Variants in ARHGEF12 observed in about 807,000 individuals in gnomAD.
The protein encoded by ARHGEF12 is Rho guanine nucleotide exchange factor 12.
ARHGEF12 carries 66 observed loss-of-function variants against 211.2 expected under a neutral mutation model. That is an observed-to-expected ratio of 0.31 (90% CI 0.26 to 0.38). The LOEUF (loss-of-function observed/expected upper bound fraction) is 0.38. ARHGEF12 is among the 10% of genes least tolerant of loss of function. The pLI is 1.00. For missense variants in ARHGEF12, 1,429 were observed against 1,869.5 expected (o/e 0.76, Z 4.34); for synonymous variants, 592 against 638.4 (o/e 0.93, Z 1.09).
chr11:120,481,565 G>T lies in ARHGEF12; in HGVS notation c.4543G>T (p.Glu1515Ter). The T allele has an allele frequency of 6.2e-7, 1 of 1,613,842 alleles. No individual in the cohort carries two copies. Among genetic ancestry groups the T allele is most frequent in the South Asian group, 1.1e-5 (1 of 91,036 alleles). ...EYIHKIEADL[E>*]HLKKVEESYT... ...CATTCATAAGATAGAGGCTGACCTT[G>T]AACACTTAAAGGTACCTCATACTTC... The change falls in exon 39 of 41, where the codon GAA (glutamate) becomes TAA (stop). Residue 1515 changes from glutamate (E) to a stop codon, truncating the protein, a stop_gained. Transcript: ENST00000397843. LOFTEE classifies it high-confidence loss of function.
chr11:120,383,112 C>T lies in ARHGEF12; in HGVS notation c.33-23006C>T, dbSNP rs950672038. ...GGAGATCGCACCACTGCACTCCAGC[C>T]TGGGCGACAGAGCCAGACTCCGTCT... On this transcript the variant is annotated intron_variant, in intron 1 of 40. Transcript: ENST00000397843. Among the ~76,000 whole-genome samples the T allele has an allele frequency of 1.5e-4, 23 of 152,130 alleles. No individual in the cohort carries two copies. In the South Asian group the frequency reaches 2.9e-3, roughly 19 times the overall value.
chr11:120,455,979 A>G (rs535737771), intron 22 of ARHGEF12, among the ~76,000 whole-genome samples: 45 of 152,344 alleles, frequency 3.0e-4, no homozygotes, highest in African/African-American at 1.1e-3. Context: ...TAAATGTTCT[A>G]TTTGAAGTGG....
chr11:120,398,697 A>G (rs1056647535), intron 1 of ARHGEF12, among the ~76,000 whole-genome samples: 1 of 152,198 alleles, frequency 6.6e-6, no homozygotes, highest in Non-Finnish European at 1.5e-5. Flanking sequence ...CAAAAATTTA[A>G]TTACAGCATT....
chr11:120,354,265 A>C (rs1320590264), intron 1 of ARHGEF12, among the ~76,000 whole-genome samples: 1 of 152,088 alleles, frequency 6.6e-6, no homozygotes, highest in Admixed American at 6.5e-5. Flanking sequence ...GCTCAGTCCT[A>C]CCCCAGAGTG....
Position 120,472,840 on chromosome 11 carries a change from A to G in ARHGEF12, c.2956-210A>G, listed in dbSNP as rs1946909550. On this transcript the variant is annotated intron_variant, in intron 30 of 40. Coordinates refer to ENST00000397843, the MANE Select transcript of ARHGEF12 (RefSeq NM_015313.3). ...CGGCTAATTTTTTTTTATTTTTAGTAGAGACGGGGTTTCACTGTGTTAGCC... is the reference window on the plus strand; with the variant it reads ...CGGCTAATTTTTTTTTATTTTTAGTGGAGACGGGGTTTCACTGTGTTAGCC... 2.6e-5 allele frequency among the ~76,000 whole-genome samples: 4 copies of G among 151,878 alleles called. No individual in the cohort carries two copies. In the South Asian group the frequency reaches 8.3e-4, roughly 32 times the overall value.
At chr11:120,364,968 G>T (rs777627560) in intron 1 of ARHGEF12, among the ~76,000 whole-genome samples, 3 of 151,918 alleles carry the variant, frequency 2.0e-5, no homozygotes, top group African/African-American at 7.3e-5. Context: ...TTAATTTTGT[G>T]TAGAGACAAG....
Position 120,485,188 on chromosome 11 carries a change from CTGTG to C in ARHGEF12, c.*112_*115del. 1.4e-6 allele frequency: 2 copies of C among 1,396,774 alleles called. No individual in the cohort carries two copies. The highest frequency in any genetic ancestry group is 1.0e-6 in the Non-Finnish European group (1 of 994,058). 86.5% of individuals were successfully genotyped at this position (1,396,774 alleles called of 1,614,324 possible). On this transcript the variant is annotated 3_prime_UTR_variant, in exon 41 of 41. Coordinates refer to ENST00000397843, the MANE Select transcript of ARHGEF12 (RefSeq NM_015313.3). ...AGAGAGAGTGTGACAGAGGATCTGC[CTGTG>C]AACCACCTGGGATTAGTCAAGTCCC...
intron 1 of ARHGEF12, among the ~76,000 whole-genome samples, chr11:120,377,719 T>C (rs1943767968): frequency 6.6e-6 from 1 of 152,192 alleles, no homozygotes; most frequent in Admixed American, 6.5e-5. Context: ...TTTCTTACCA[T>C]AATAGTATTA....
intron 1 of ARHGEF12, among the ~76,000 whole-genome samples, chr11:120,377,957 G>A (rs1030662916): frequency 6.6e-6 from 1 of 151,518 alleles, no homozygotes; most frequent in South Asian, 2.1e-4. Context: ...TTAGAGATGG[G>A]GTCTCACTAT....
At chr11:120,445,126 GAAGCCA>G (rs1457866684) in intron 15 of ARHGEF12, among the ~76,000 whole-genome samples, 4 of 152,058 alleles carry the variant, frequency 2.6e-5, no homozygotes, top group Non-Finnish European at 5.9e-5. Flanking sequence ...ATGATTCTAG[GAAGCCA>G]AAGCCAAAGC....
intron 1 of ARHGEF12, among the ~76,000 whole-genome samples, chr11:120,345,840 T>A (rs1042558399): frequency 2.6e-5 from 4 of 151,886 alleles, no homozygotes; most frequent in Admixed American, 1.3e-4. Context: ...TGTTAGCTAA[T>A]ACGTGAGTTC....
chr11:120,355,582 C>T (rs1055974017), intron 1 of ARHGEF12, among the ~76,000 whole-genome samples: 1 of 152,112 alleles, frequency 6.6e-6, no homozygotes, highest in African/African-American at 2.4e-5. Flanking sequence ...GGCACAGTAC[C>T]TGTAGTCCTA....
chr11:120,481,760 C>CT (rs765155466), intron 39 of ARHGEF12, among the ~76,000 whole-genome samples, 184 bp downstream of exon 39: 1,537 of 138,366 alleles, frequency 0.011, 21 homozygotes, highest in African/African-American at 0.029. Context: ...TTCTTTCTTT[C>CT]TTTTTTTTTT....
intron 1 of ARHGEF12, among the ~76,000 whole-genome samples, chr11:120,365,314 T>C (rs1943393949): frequency 6.6e-6 from 1 of 152,108 alleles, no homozygotes; most frequent in Non-Finnish European, 1.5e-5. Flanking sequence ...TGATAGATGA[T>C]TGGAAGGAAT....
chr11:120,359,491 CT>C (rs1433644374), intron 1 of ARHGEF12, among the ~76,000 whole-genome samples: 1 of 152,214 alleles, frequency 6.6e-6, no homozygotes, highest in Non-Finnish European at 1.5e-5. Flanking sequence ...ATCTGCCCAC[CT>C]TGGCCTCCCA....
chr11:120,399,801 A>G (rs1374782548), intron 1 of ARHGEF12, among the ~76,000 whole-genome samples: 1 of 152,208 alleles, frequency 6.6e-6, no homozygotes, highest in Non-Finnish European at 1.5e-5. Flanking sequence ...AAAAAATGCA[A>G]CCAAACTGCA....
intron 11 of ARHGEF12, 37 bp downstream of exon 11, chr11:120,431,948 A>G (rs779805214): frequency 2.1e-5 from 33 of 1,542,964 alleles, no homozygotes; most frequent in African/African-American, 2.8e-5. Flanking sequence ...TTTCTTCTGT[A>G]TTCTTCTTTA....
intron 1 of ARHGEF12, among the ~76,000 whole-genome samples, chr11:120,367,581 GT>G (rs1943465986): frequency 6.6e-6 from 1 of 151,970 alleles, no homozygotes; most frequent in African/African-American, 2.4e-5. Flanking sequence ...GGTCAGGCTG[GT>G]CTCAAACTCC....
chr11:120,469,175 C>A (rs1946797862), intron 29 of ARHGEF12, 113 bp from the exon 30 acceptor site: 1 of 795,106 alleles, frequency 1.3e-6, no homozygotes, highest in Admixed American at 2.9e-5. Context: ...CAAAAATCTT[C>A]AAGGTCTTAA....
Sources: allele counts gnomAD v4.1 joint callset (sites outside exome capture counted in the v4.1 genomes callset), GRCh38; gene constraint gnomAD v4.1.1; transcripts MANE v1.5; gene names NCBI Gene and HGNC (gene_info 2026-07-23, HGNC 2026-07-21).